The following FAM81A variants were observed in gnomAD, a reference collection of about 807,000 sequenced individuals.
FAM81A encodes protein FAM81A.
In FAM81A, 19 loss-of-function variants were observed where a neutral mutation model predicts 46.7. The ratio of observed to expected loss-of-function variants is 0.41; its 90% CI spans 0.28 to 0.60. FAM81A has a LOEUF of 0.60. Ranked by LOEUF, FAM81A falls within the 20% of genes least tolerant of loss-of-function variation. The probability of loss-of-function intolerance (pLI) is 0.34; values close to 1 mark genes in which losing one functional copy is unlikely to be tolerated. For synonymous variants in FAM81A, 183 were observed against 152.9 expected (o/e 1.20, Z -1.45); for missense variants, 377 against 453.5 (o/e 0.83, Z 1.53).
upstream of FAM81A, among the ~76,000 whole-genome samples, chr15:59,434,981 G>A (rs1443101812): frequency 2.0e-5 from 3 of 152,242 alleles, no homozygotes; most frequent in East Asian, 3.9e-4. Context: ...GAGCTCAGCC[G>A]TGGAATAAAT....
At chr15:59,491,436 T>C (rs1464498066) in intron 3 of FAM81A, among the ~76,000 whole-genome samples, 2 of 150,022 alleles carry the variant, frequency 1.3e-5, no homozygotes, top group South Asian at 4.2e-4. Context: ...TAGTGGGGGG[T>C]GGGGTGGAAA....
At chr15:59,443,392 T>G (rs989130977) in intron 1 of FAM81A, among the ~76,000 whole-genome samples, 8 of 152,174 alleles carry the variant, frequency 5.3e-5, no homozygotes, top group African/African-American at 1.9e-4. Flanking sequence ...AAAAAGATCT[T>G]TTAAAAAAAA....
chr15:59,471,544 C>T (rs113911977), intron 3 of FAM81A, among the ~76,000 whole-genome samples: 2 of 151,512 alleles, frequency 1.3e-5, no homozygotes, highest in African/African-American at 2.4e-5. Context: ...CTCACTGCAG[C>T]GTCAAACTCC....
intron 2 of FAM81A, among the ~76,000 whole-genome samples, chr15:59,411,198 G>A (rs139781870): frequency 1.4e-4 from 22 of 152,306 alleles, no homozygotes; most frequent in Non-Finnish European, 2.9e-4. Context: ...ATCAAGGAGG[G>A]TTAGGGACCA....
intron 3 of FAM81A, among the ~76,000 whole-genome samples, chr15:59,485,863 A>G (rs2081911410): frequency 6.6e-6 from 1 of 152,252 alleles, no homozygotes; most frequent in African/African-American, 2.4e-5. Context: ...TCAGAATCCT[A>G]TCAGATAAAT....
chr15:59,498,361 G>A (rs1255869787), intron 4 of FAM81A, among the ~76,000 whole-genome samples: 2 of 152,088 alleles, frequency 1.3e-5, no homozygotes, highest in Non-Finnish European at 2.9e-5. Flanking sequence ...AGTAGATTTT[G>A]TATATTGGTC....
chr15:59,455,831 T>C (rs1211319044), intron 1 of FAM81A, among the ~76,000 whole-genome samples: 2 of 152,206 alleles, frequency 1.3e-5, no homozygotes, highest in Admixed American at 1.3e-4. Context: ...CAGATACTTA[T>C]TGAGTGTCTA....
At chr15:59,450,249 A>G (rs1251749736) in intron 1 of FAM81A, among the ~76,000 whole-genome samples, 2 of 151,746 alleles carry the variant, frequency 1.3e-5, no homozygotes, top group African/African-American at 4.8e-5. Context: ...TTTATTTTCA[A>G]TACTATTTGT....
chr15:59,464,931 A>G (rs1304460200), intron 3 of FAM81A, among the ~76,000 whole-genome samples: 4 of 152,144 alleles, frequency 2.6e-5, no homozygotes, highest in Non-Finnish European at 5.9e-5. Context: ...TTCTTCTAGT[A>G]GTTTTATCAT....
intron 6 of FAM81A, among the ~76,000 whole-genome samples, chr15:59,511,753 C>T (rs973637501): frequency 6.6e-6 from 1 of 152,128 alleles, no homozygotes; most frequent in Non-Finnish European, 1.5e-5. Context: ...CCGGGTTCAG[C>T]GATTCTCCTG....
At chr15:59,514,601 C>G (rs746446973) in intron 7 of FAM81A, among the ~76,000 whole-genome samples, 177 bp downstream of exon 7, 4 of 152,188 alleles carry the variant, frequency 2.6e-5, no homozygotes, top group Non-Finnish European at 4.4e-5. Flanking sequence ...ACATAGAACA[C>G]TCTGACTTGT....
intron 2 of FAM81A, among the ~76,000 whole-genome samples, chr15:59,428,032 G>A (rs190216200): frequency 2.6e-5 from 4 of 152,302 alleles, no homozygotes; most frequent in African/African-American, 7.2e-5. Flanking sequence ...AACAGTGTAC[G>A]AGGATTCCCT....
intron 2 of FAM81A, among the ~76,000 whole-genome samples, chr15:59,419,888 A>T (rs2081163526): frequency 1.3e-5 from 2 of 152,146 alleles, no homozygotes; most frequent in South Asian, 4.1e-4. Flanking sequence ...AAAAACAAAA[A>T]AACAAACAAA....
In FAM81A at chr15:59,470,352, G is replaced by A. The variant is rs143237664; in HGVS notation, c.294+10146G>A. On this transcript the variant is annotated intron_variant, in intron 3 of 8. Transcript: ENST00000288228. ...CTTTCAGGTACAACAATCCAATGTA[G>A]ATTTGGTCTTTTCACATAGTCCCAT... Among the ~76,000 whole-genome samples the A allele has an allele frequency of 3.0e-3, 457 of 152,292 alleles. 5 individuals are homozygous for A. Among genetic ancestry groups the A allele is most frequent in the Middle Eastern group, 0.024 (7 of 294 alleles).
At chr15:59,449,561 C>A (rs1331134550) in intron 1 of FAM81A, among the ~76,000 whole-genome samples, 1 of 152,066 alleles carries the variant, frequency 6.6e-6, no homozygotes, top group Non-Finnish European at 1.5e-5. Context: ...GCGGGCGGAT[C>A]ACGAGGTCAG....
At chr15:59,461,582 A>G (rs1371034236) in intron 3 of FAM81A, among the ~76,000 whole-genome samples, 1 of 152,104 alleles carries the variant, frequency 6.6e-6, no homozygotes, top group Admixed American at 6.6e-5. Context: ...CAGCCTCCCA[A>G]AGTGCTGGGA....
chr15:59,478,553 T>G (rs1305910613), intron 3 of FAM81A, among the ~76,000 whole-genome samples: 1 of 152,116 alleles, frequency 6.6e-6, no homozygotes, highest in Non-Finnish European at 1.5e-5. Flanking sequence ...CTTCATGCAT[T>G]TTACTGAAAA....
intron 2 of FAM81A, among the ~76,000 whole-genome samples, chr15:59,418,417 C>T (rs1273794171): frequency 6.6e-6 from 1 of 152,180 alleles, no homozygotes; most frequent in African/African-American, 2.4e-5. Flanking sequence ...AACATTTTTA[C>T]CCCTGTAATT....
chr15:59,502,695 A>T (rs1420344804), intron 4 of FAM81A, among the ~76,000 whole-genome samples: 10 of 151,322 alleles, frequency 6.6e-5, no homozygotes, highest in Admixed American at 4.6e-4. Flanking sequence ...TGTATTTTTT[A>T]TTTTTTAGTA....
Sources: allele counts gnomAD v4.1 joint callset (sites outside exome capture counted in the v4.1 genomes callset), GRCh38; gene constraint gnomAD v4.1.1; transcripts MANE v1.5; gene names NCBI Gene and HGNC (gene_info 2026-07-23, HGNC 2026-07-21).